FHIT: variants seen among roughly 807,000 people sequenced by gnomAD.
FHIT encodes the protein fragile histidine triad diadenosine triphosphatase, also known as bis(5'-adenosyl)-triphosphatase.
A neutral mutation model predicts 17.9 loss-of-function variants in FHIT; 19 were observed. The ratio of observed to expected loss-of-function variants is 1.06; its 90% CI spans 0.74 to 1.56. The LOEUF is 1.56. Among genes scored for constraint, FHIT ranks in the 40% most tolerant of loss-of-function variants. The pLI is 0.00. For missense variants in FHIT, 248 were observed against 189.2 expected (o/e 1.31, Z -1.82); for synonymous variants, 81 against 69.7 (o/e 1.16, Z -0.81).
At chr3:61,152,233 A>G (rs2037415099) in intron 2 of FHIT, among the ~76,000 whole-genome samples, 1 of 152,138 alleles carries the variant, frequency 6.6e-6, no homozygotes, top group East Asian at 1.9e-4. Context: ...GGAGATAGAA[A>G]AAGAGGCCAA....
chr3:61,234,854 A>G (rs1434092589), intron 1 of FHIT, among the ~76,000 whole-genome samples: 1 of 152,250 alleles, frequency 6.6e-6, no homozygotes, highest in African/African-American at 2.4e-5. Flanking sequence ...TTAAAAATAG[A>G]CATGGCAACA....
chr3:60,357,247 G>A lies in FHIT; in HGVS notation c.103+179613C>T, dbSNP rs535571613. Among the ~76,000 whole-genome samples, 50 of 152,026 alleles carry A rather than the reference G, an allele frequency of 3.3e-4. 1 individual carries two copies. In the South Asian group the frequency reaches 5.4e-3, roughly 16 times the overall value. ...TTCTGAGATGGAGTTTTTCTGTGTCGCGCAGGCTGGTATGCAGTGGCATAA... is the reference window on the plus strand; with the variant it reads ...TTCTGAGATGGAGTTTTTCTGTGTCACGCAGGCTGGTATGCAGTGGCATAA... On this transcript the variant is annotated intron_variant, in intron 5 of 9. Coordinates refer to ENST00000492590, the MANE Select transcript of FHIT (RefSeq NM_002012.4).
At chr3:60,410,433 C>G (rs913906830) in intron 5 of FHIT, among the ~76,000 whole-genome samples, 2 of 152,056 alleles carry the variant, frequency 1.3e-5, no homozygotes, top group Non-Finnish European at 2.9e-5. Flanking sequence ...TCCCATCAAG[C>G]AATTATTAAT....
intron 1 of FHIT, among the ~76,000 whole-genome samples, chr3:61,210,098 G>A (rs1367871889): frequency 2.0e-5 from 3 of 152,202 alleles, no homozygotes; most frequent in Non-Finnish European, 2.9e-5. Flanking sequence ...GTGTGCCTGG[G>A]TATCAGCAGC....
intron 3 of FHIT, among the ~76,000 whole-genome samples, chr3:60,982,829 G>C (rs1030748509): frequency 3.9e-5 from 6 of 152,102 alleles, no homozygotes; most frequent in African/African-American, 1.4e-4. Flanking sequence ...TTTTGACTCA[G>C]GGATCCTTCA....
intron 4 of FHIT, among the ~76,000 whole-genome samples, chr3:60,795,501 G>T (rs958933092): frequency 4.8e-4 from 57 of 118,340 alleles, no homozygotes; most frequent in African/African-American, 1.5e-3. Flanking sequence ...TTTTTCCTTT[G>T]TTTTTTGTTT....
chr3:60,186,111 AGT>A (rs1472799628), intron 5 of FHIT, among the ~76,000 whole-genome samples: 1 of 151,856 alleles, frequency 6.6e-6, no homozygotes, highest in African/African-American at 2.4e-5. Context: ...TTTTCTTCAT[AGT>A]GTCTTTTGCA....
At chr3:60,462,395 C>A (rs1484225357) in intron 5 of FHIT, among the ~76,000 whole-genome samples, 1 of 152,100 alleles carries the variant, frequency 6.6e-6, no homozygotes, top group African/African-American at 2.4e-5. Context: ...ATGGCTCAAC[C>A]ACTCAACCCT....
intron 8 of FHIT, among the ~76,000 whole-genome samples, chr3:59,777,720 C>T (rs1351616055): frequency 1.3e-5 from 2 of 151,900 alleles, no homozygotes; most frequent in African/African-American, 2.4e-5. Flanking sequence ...TCATGCTAGG[C>T]CCTGAAGACC....
At position 59,898,049 on chromosome 3, in the gene FHIT, C is replaced by G. The variant is rs542750992; in HGVS notation, c.348+24297G>C. On this transcript the variant is annotated intron_variant, in intron 8 of 9. Coordinates refer to ENST00000492590, the MANE Select transcript of FHIT (RefSeq NM_002012.4). The stretch of plus-strand genomic sequence containing the variant: ...CCCAAAGTGCTGGGATTACAGGCAT[C>G]AGCCACGGTGCCCAGCCCAAAATCT... Among the ~76,000 whole-genome samples, 12 of 151,984 alleles carry G rather than the reference C, an allele frequency of 7.9e-5. No homozygotes were observed. The East Asian group carries it at 1.4e-3, about 17-fold the overall frequency.
chr3:59,853,183 T>G (rs1399942032), intron 8 of FHIT, among the ~76,000 whole-genome samples: 8 of 152,224 alleles, frequency 5.3e-5, no homozygotes, highest in Admixed American at 1.3e-4. Context: ...TCTCTAGCAT[T>G]TGGCATTGTC....
chr3:60,245,420 G>T lies in FHIT; in HGVS notation c.104-231268C>A, dbSNP rs546630625. 1.0e-3 allele frequency among the ~76,000 whole-genome samples: 155 copies of T among 152,024 alleles called. 1 individual carries two copies. The highest frequency in any genetic ancestry group is 1.4e-3 in the Non-Finnish European group (93 of 67,906). On this transcript the variant is annotated intron_variant, in intron 5 of 9. Transcript: ENST00000492590. ...TCCCTTCAAAGTTCTAAACTTCAGG[G>T]TTCAATATTCAAAGTACTCACTCAT...
chr3:60,630,069 T>C (rs1182560480), intron 4 of FHIT, among the ~76,000 whole-genome samples: 6 of 152,154 alleles, frequency 3.9e-5, no homozygotes, highest in Non-Finnish European at 8.8e-5. Flanking sequence ...TCTGAAAGTA[T>C]CCTCCCAGAG....
chr3:60,365,369 A>T (rs1700065113), intron 5 of FHIT, among the ~76,000 whole-genome samples: 1 of 152,072 alleles, frequency 6.6e-6, no homozygotes, highest in Admixed American at 6.6e-5. Flanking sequence ...AACCTTTGAA[A>T]AAGGAAAGTT....
chr3:61,068,644 G>C (rs575489021), intron 2 of FHIT, among the ~76,000 whole-genome samples: 2 of 152,090 alleles, frequency 1.3e-5, no homozygotes, highest in African/African-American at 4.8e-5. Flanking sequence ...GGAGATTAGG[G>C]TGTAGATATC....
chr3:59,828,723 A>T lies in FHIT; in HGVS notation c.349-76402T>A, dbSNP rs537750270. 3.3e-5 allele frequency among the ~76,000 whole-genome samples: 5 copies of T among 152,320 alleles called. No individual in the cohort carries two copies. The South Asian group carries it at 1.0e-3, about 32-fold the overall frequency. On this transcript the variant is annotated intron_variant, in intron 8 of 9. Coordinates refer to ENST00000492590, the MANE Select transcript of FHIT (RefSeq NM_002012.4). ...TCATATCTTTGGTTAAGGCAGACTT[A>T]ACGGGAAAATCTCTTTCCAATATGA...
At chr3:59,800,179 C>A (rs1466282984) in intron 8 of FHIT, among the ~76,000 whole-genome samples, 1 of 152,184 alleles carries the variant, frequency 6.6e-6, no homozygotes, top group African/African-American at 2.4e-5. Flanking sequence ...TAAATATGAA[C>A]CTCTCAGCAA....
intron 3 of FHIT, among the ~76,000 whole-genome samples, chr3:60,827,987 G>A (rs1357727960): frequency 6.6e-6 from 1 of 152,186 alleles, no homozygotes; most frequent in African/African-American, 2.4e-5. Flanking sequence ...AAATAGCACA[G>A]GGATATATTT....
chr3:60,898,774 G>A (rs532301558), intron 3 of FHIT, among the ~76,000 whole-genome samples: 2 of 152,122 alleles, frequency 1.3e-5, no homozygotes, highest in South Asian at 2.1e-4. Flanking sequence ...CATTCTTCAG[G>A]AGCCCGAGTT....
Sources: gnomAD v4.1 joint callset for allele counts (sites outside exome capture counted in the v4.1 genomes callset) on GRCh38, gnomAD v4.1.1 for gene constraint, MANE v1.5 for transcripts, NCBI Gene and HGNC (gene_info 2026-07-23, HGNC 2026-07-21) for gene names.